C19orf44: variants seen among roughly 807,000 people sequenced by gnomAD.
The protein encoded by C19orf44 is uncharacterized protein C19orf44.
A neutral mutation model predicts 50.7 loss-of-function variants in C19orf44; 43 were observed. That is an observed-to-expected ratio of 0.85 (90% CI 0.66 to 1.09). C19orf44 has a LOEUF of 1.09. Ranked by LOEUF, C19orf44 falls within the 50% of genes least tolerant of loss-of-function variation. The pLI is 0.00. For synonymous variants in C19orf44, 298 were observed against 334.7 expected (o/e 0.89, Z 1.20); for missense variants, 722 against 836.2 (o/e 0.86, Z 1.68).
chr19:16,501,226 A>G lies in C19orf44; in HGVS notation c.434A>G (p.Gln145Arg). ...LSGGALELAS[Q>R]NTDKTSQNQA... is the part of the protein sequence containing the mutation. Reference sequence around the variant, plus strand: ...GGGGGTGCACTCGAACTCGCGTCCCAGAACACAGACAAAACTTCCCAGAAT... The same window carrying G: ...GGGGGTGCACTCGAACTCGCGTCCCGGAACACAGACAAAACTTCCCAGAAT... Residue 145 changes from glutamine to arginine, a missense_variant, in exon 2 of 9, where the codon CAG becomes CGG. Physicochemically the swap from Gln to Arg is conservative, Grantham distance 43 (BLOSUM62 1). Coordinates refer to ENST00000221671, the MANE Select transcript of C19orf44 (RefSeq NM_032207.4). 2 of 1,614,210 alleles carry G rather than the reference A, an allele frequency of 1.2e-6. No individual in the cohort carries two copies. Among genetic ancestry groups the G allele is most frequent in the Non-Finnish European group, 1.7e-6 (2 of 1,180,034 alleles).
At chr19:16,506,420 T>C (rs1038405614) in intron 3 of C19orf44, among the ~76,000 whole-genome samples, 1 of 151,930 alleles carries the variant, frequency 6.6e-6, no homozygotes, top group Admixed American at 6.6e-5. Context: ...TGGTGAAATC[T>C]TGTCTGTACT....
chr19:16,520,108 T>G lies in C19orf44; in HGVS notation c.*55T>G. ...CACATTCACAGCAAAGCACCGCAGC[T>G]TCCCAGAGTTACCAGCGCAGCACTT... On this transcript the variant is annotated 3_prime_UTR_variant, in exon 9 of 9. Transcript: ENST00000221671. This position sits in a 1 kb window ranked among gnomAD's most constrained non-coding sequence, Gnocchi z 4.0. 6.3e-7 allele frequency: 1 copy of G among 1,590,276 alleles called. No homozygotes were observed. Among genetic ancestry groups the G allele is most frequent in the Non-Finnish European group, 8.6e-7 (1 of 1,161,614 alleles).
At chr19:16,511,115 C>T (rs1240441561) in intron 5 of C19orf44, among the ~76,000 whole-genome samples, 1 of 151,642 alleles carries the variant, frequency 6.6e-6, no homozygotes, top group East Asian at 1.9e-4. Context: ...TGGCTTACTG[C>T]AACCTCCACC....
chr19:16,496,433 G>T lies in C19orf44; in HGVS notation c.-34G>T, dbSNP rs375212157. ...CCGCTCCTTCAGGCGTGAATGTGGC[G>T]GCTGCCTCTGCGAATGGACGGCGTG... On this transcript the variant is annotated 5_prime_UTR_variant, in exon 1 of 9. Transcript: ENST00000221671. The T allele has an allele frequency of 8.2e-4, 320 of 391,516 alleles. 4 individuals are homozygous for T. The East Asian group carries it at 0.014, about 17-fold the overall frequency. 24.3% of individuals were successfully genotyped at this position (391,516 alleles called of 1,614,324 possible). A position where few individuals can be genotyped will look rare whatever the true frequency, so the allele number is the denominator to read the frequency against.
chr19:16,506,750 T>A lies in C19orf44; in HGVS notation c.1125T>A (p.Ser375Arg), dbSNP rs993774952. The change falls in exon 4 of 9, where the codon AGT becomes AGA. Residue 375 changes from serine to arginine, a missense_variant. Ser to Arg is a moderately radical substitution (Grantham distance 110, BLOSUM62 -1). Transcript: ENST00000221671. ...LSLDGLAPAV[S>R]ENSDLEQEEE... is the part of the protein sequence containing the mutation. Reference sequence around the variant, plus strand: ...TTGACGGTCTGGCTCCAGCTGTCAGTGAGAACTCCGATTTGGAACAGGAAG... The same window carrying A: ...TTGACGGTCTGGCTCCAGCTGTCAGAGAGAACTCCGATTTGGAACAGGAAG... 3.1e-6 allele frequency: 5 copies of A among 1,606,156 alleles called. No individual in the cohort carries two copies. The African/African-American group carries it at 6.7e-5, about 22-fold the overall frequency.
At position 16,517,282 on chromosome 19, in the gene C19orf44, AGGT is replaced by A; in HGVS notation, c.1957_1959del (p.Val653del). Reference sequence around the variant, plus strand: ...CTGACCATGGAGGATGCCCTGGAGGAGGTGAACAAGGAGCTGTGAGCGCCAGCA... The same window carrying A: ...CTGACCATGGAGGATGCCCTGGAGGAGAACAAGGAGCTGTGAGCGCCAGCA... On this transcript the variant is annotated inframe_deletion, in exon 8 of 9. Coordinates refer to ENST00000221671, the MANE Select transcript of C19orf44 (RefSeq NM_032207.4). The A allele has an allele frequency of 3.7e-6, 6 of 1,614,132 alleles. No homozygotes were observed. Among genetic ancestry groups the A allele is most frequent in the Non-Finnish European group, 4.2e-6 (5 of 1,180,010 alleles).
In C19orf44 at chr19:16,513,004, C is replaced by G; in HGVS notation, c.1640-10C>G. On this transcript the variant is annotated splice_polypyrimidine_tract_variant and intron_variant, in intron 5 of 8. Coordinates refer to ENST00000221671, the MANE Select transcript of C19orf44 (RefSeq NM_032207.4). Reference sequence around the variant, plus strand: ...CTGCCTGCTTACCCCTCTCTTTGTCCCCGAGATAGTGGCCAGCATGGCAGC... The same window carrying G: ...CTGCCTGCTTACCCCTCTCTTTGTCGCCGAGATAGTGGCCAGCATGGCAGC... 1 of 1,611,420 alleles carries G rather than the reference C, an allele frequency of 6.2e-7. No individual in the cohort carries two copies. Among genetic ancestry groups the G allele is most frequent in the Non-Finnish European group, 8.5e-7 (1 of 1,179,616 alleles).
chr19:16,500,915 CA>C lies in C19orf44; in HGVS notation c.127del (p.Ile43Ter), dbSNP rs762157827. On this transcript the variant is annotated frameshift_variant, in exon 2 of 9. Coordinates refer to ENST00000221671, the MANE Select transcript of C19orf44 (RefSeq NM_032207.4). LOFTEE classifies it high-confidence loss of function. ...RNFQISRNLTKIAPGHSRFLK... is the reference protein window; with the variant it reads ...RNFQISRNLTXIAPGHSRFLK... ...ACTTCCAGATCAGTAGAAATCTTAC[CA>C]AAATAGCACCTGGTCATAGCAGATT... 354 of 1,613,862 alleles carry C rather than the reference CA, an allele frequency of 2.2e-4. No individual in the cohort carries two copies. Among genetic ancestry groups the C allele is most frequent in the Non-Finnish European group, 2.8e-4 (334 of 1,179,954 alleles).
chr19:16,512,588 AG>A (rs751880492), intron 5 of C19orf44, among the ~76,000 whole-genome samples: 7 of 152,048 alleles, frequency 4.6e-5, no homozygotes, highest in Non-Finnish European at 8.8e-5. Context: ...AAAAAAGTAA[AG>A]AAGGGCCGGG....
rs779184344 is a variant in C19orf44 at position 16,509,648 on chromosome 19, G to A, written c.1299G>A (p.Ser433=). Residue 433 remains serine, a synonymous_variant, in exon 5 of 9, where the codon TCG becomes TCA. Transcript: ENST00000221671. The part of the protein sequence containing the change: ...ASAEGDESEV[S]EHLSASSASA... ...CAGAGGGGGATGAGAGCGAGGTCTC[G>A]GAGCATCTCAGTGCCAGCTCGGCTT... 9 of 1,614,226 alleles carry A rather than the reference G, an allele frequency of 5.6e-6. No homozygotes were observed. Among genetic ancestry groups the A allele is most frequent in the South Asian group, 2.2e-5 (2 of 91,088 alleles).
Position 16,514,513 on chromosome 19 carries a change from C to A in C19orf44, c.1752C>A (p.Ser584Arg), listed in dbSNP as rs767823446. ...ADAIEALTAY[S>R]PAVLALHDVL... ...CTGGGTCAGCCCTGACCGCTTACAG[C>A]CCGGCCGTGCTGGCACTCCATGATG... is the stretch of plus-strand genomic sequence containing the variant. The change falls in exon 7 of 9, where the codon AGC (serine) becomes AGA (arginine). Residue 584 changes from serine (S) to arginine (R), a missense_variant. Transcript: ENST00000221671. 7 of 1,611,012 alleles carry A rather than the reference C, an allele frequency of 4.3e-6. No homozygotes were observed. The highest frequency in any genetic ancestry group is 5.9e-6 in the Non-Finnish European group (7 of 1,179,246).
Position 16,512,992 on chromosome 19 carries a change from CCT to C in C19orf44, c.1640-17_1640-16del, listed in dbSNP as rs753435353. ...TTTCTCTGCGTCCTGCCTGCTTACC[CCT>C]CTCTTTGTCCCCGAGATAGTGGCCA... On this transcript the variant is annotated intron_variant, in intron 5 of 8. Coordinates refer to ENST00000221671, the MANE Select transcript of C19orf44 (RefSeq NM_032207.4). The C allele has an allele frequency of 4.4e-5, 71 of 1,606,904 alleles. No individual in the cohort carries two copies. Among genetic ancestry groups the C allele is most frequent in the Non-Finnish European group, 5.5e-5 (65 of 1,176,988 alleles).
intron 5 of C19orf44, 60 bp downstream of exon 5, chr19:16,510,048 A>G: frequency 6.2e-7 from 1 of 1,611,886 alleles, no homozygotes; most frequent in South Asian, 1.1e-5. Flanking sequence ...CGTGTGGTTT[A>G]CAGCATCCTG....
intron 4 of C19orf44, among the ~76,000 whole-genome samples, chr19:16,507,035 T>C (rs188560283): frequency 6.6e-6 from 1 of 152,312 alleles, no homozygotes; most frequent in Admixed American, 6.5e-5. Flanking sequence ...TTTTCAAATC[T>C]GCCCCCCAGG....
chr19:16,501,987 G>A (rs1008796977), intron 2 of C19orf44, among the ~76,000 whole-genome samples: 2 of 149,150 alleles, frequency 1.3e-5, no homozygotes, highest in Admixed American at 6.7e-5. Flanking sequence ...TCAGCTCACC[G>A]CAACCTCCAC....
chr19:16,517,336 C>T lies in C19orf44; in HGVS notation c.*35C>T. The T allele has an allele frequency of 6.3e-7, 1 of 1,591,058 alleles. No individual in the cohort carries two copies. Among genetic ancestry groups the T allele is most frequent in the Non-Finnish European group, 8.6e-7 (1 of 1,160,094 alleles). ...GGTGGAGCTTGACGTGACGTCTTAA[C>T]AAAAGGTATCCCGTCCTGTGTACTC... On this transcript the variant is annotated 3_prime_UTR_variant, in exon 8 of 9. Coordinates refer to ENST00000221671, the MANE Select transcript of C19orf44 (RefSeq NM_032207.4).
At chr19:16,514,728 C>T in intron 7 of C19orf44, 65 bp downstream of exon 7, 1 of 1,442,474 alleles carries the variant, frequency 6.9e-7, no homozygotes, top group Non-Finnish European at 9.2e-7. Context: ...AGAGGCCGGG[C>T]CGAAGGGATA....
intron 6 of C19orf44, 31 bp from the exon 7 acceptor site, chr19:16,514,466 G>A (rs1467941782): frequency 7.7e-6 from 12 of 1,553,910 alleles, no homozygotes; most frequent in African/African-American, 4.1e-5. Flanking sequence ...GGGCCCCAGC[G>A]AAGCCACCGA....
chr19:16,516,556 C>T (rs771042910), intron 7 of C19orf44, among the ~76,000 whole-genome samples: 1 of 152,200 alleles, frequency 6.6e-6, no homozygotes, highest in Admixed American at 6.5e-5. Flanking sequence ...TCCATACTAT[C>T]CGATATGTCC....
Sources: gnomAD v4.1 joint callset for allele counts (sites outside exome capture counted in the v4.1 genomes callset) on GRCh38, gnomAD v4.1.1 for gene constraint, Gnocchi (gnomAD v3.1) non-coding constraint, MANE v1.5 for transcripts, NCBI Gene and HGNC (gene_info 2026-07-23, HGNC 2026-07-21) for gene names.